ZFHX3: variants seen among roughly 807,000 people sequenced by gnomAD.
ZFHX3 encodes the protein zinc finger homeobox protein 3.
A neutral mutation model predicts 279.1 loss-of-function variants in ZFHX3; 42 were observed. The ratio of observed to expected loss-of-function variants is 0.15; its 90% CI spans 0.12 to 0.19. The LOEUF (loss-of-function observed/expected upper bound fraction) is 0.19, where lower values mean the gene tolerates loss of function less well. Among genes scored for constraint, ZFHX3 ranks in the 10% least tolerant of loss-of-function variants. The pLI, the probability that ZFHX3 is intolerant of heterozygous loss-of-function variation, is 1.00. For synonymous variants in ZFHX3, 2,293 were observed against 1,957.8 expected, an observed-to-expected ratio of 1.17 and a Z score of -4.52; for missense variants, 4,981 against 4,754.0, an observed-to-expected ratio of 1.05 and a Z score of -1.40.
At chr16:73,125,427 G>A (rs1966553286) in intron 7 of ZFHX3, 1 of 152,022 alleles carries the variant, frequency 6.6e-6, no homozygotes, top group African/African-American at 2.4e-5. Flanking sequence ...CAATTTGATT[G>A]GATTGAAGGA....
At chr16:73,817,579 G>T (rs148409082) in intron 1 of ZFHX3, among the ~76,000 whole-genome samples, 2 of 152,144 alleles carry the variant, frequency 1.3e-5, no homozygotes, top group South Asian at 2.1e-4. Flanking sequence ...TTACCTGCTC[G>T]GTCTGCAAAG....
intron 2 of ZFHX3, among the ~76,000 whole-genome samples, chr16:73,480,990 G>A (rs754906760): frequency 2.3e-4 from 35 of 152,096 alleles, no homozygotes; most frequent in Admixed American, 1.5e-3. Context: ...ACTCGGTCTC[G>A]GCAACTCTTC....
At chr16:73,824,485 T>C (rs546376033) in intron 1 of ZFHX3, among the ~76,000 whole-genome samples, 75 of 130,040 alleles carry the variant, frequency 5.8e-4, no homozygotes, top group Middle Eastern at 3.6e-3. Flanking sequence ...TGTGCCATGC[T>C]GGTGCGCTGC....
At chr16:73,189,481 A>T (rs1449046107) in intron 5 of ZFHX3, among the ~76,000 whole-genome samples, 2 of 152,212 alleles carry the variant, frequency 1.3e-5, no homozygotes, top group Non-Finnish European at 2.9e-5. Flanking sequence ...GATCTAGAAG[A>T]CTTAATAGGT....
At chr16:72,983,873 G>T (rs1962731354) in intron 1 of ZFHX3, among the ~76,000 whole-genome samples, 1 of 152,188 alleles carries the variant, frequency 6.6e-6, no homozygotes, top group African/African-American at 2.4e-5. Context: ...GTAAGGCCCT[G>T]CTCAGTAAGC....
chr16:73,024,810 C>T (rs897187283), intron 1 of ZFHX3, among the ~76,000 whole-genome samples: 7 of 152,288 alleles, frequency 4.6e-5, no homozygotes, highest in African/African-American at 1.7e-4. Context: ...GACTCCACTC[C>T]ACGAAGAATT....
chr16:73,882,474 A>G (rs943815399), intron 1 of ZFHX3, among the ~76,000 whole-genome samples: 5 of 151,554 alleles, frequency 3.3e-5, no homozygotes, highest in African/African-American at 1.2e-4. Context: ...TTTTTTTCCC[A>G]TCTCTAAAAA....
intron 2 of ZFHX3, chr16:73,499,383 G>C (rs762367957): frequency 6.6e-6 from 1 of 152,244 alleles, no homozygotes; most frequent in Non-Finnish European, 1.5e-5. Flanking sequence ...ACAAGCTGCC[G>C]CTCTGCATTT....
At chr16:73,562,920 C>T (rs1483291345) in intron 2 of ZFHX3, among the ~76,000 whole-genome samples, 1 of 152,154 alleles carries the variant, frequency 6.6e-6, no homozygotes, top group Non-Finnish European at 1.5e-5. Context: ...GCTACTGCGC[C>T]ATTACAGGAA....
At chr16:73,734,204 T>C (rs1237298411) in intron 1 of ZFHX3, among the ~76,000 whole-genome samples, 5 of 152,180 alleles carry the variant, frequency 3.3e-5, no homozygotes, top group Non-Finnish European at 7.4e-5. Flanking sequence ...CTTCCTGCTG[T>C]GCAGCCCGGT....
chr16:73,842,259 T>G (rs1051226636), intron 1 of ZFHX3, among the ~76,000 whole-genome samples: 3 of 151,790 alleles, frequency 2.0e-5, no homozygotes, highest in Admixed American at 2.0e-4. Flanking sequence ...AAACAATGAT[T>G]GCAAGCCACC....
At chr16:72,942,976 T>TC (rs1341504284) in intron 3 of ZFHX3, among the ~76,000 whole-genome samples, 1 of 152,222 alleles carries the variant, frequency 6.6e-6, no homozygotes, top group Non-Finnish European at 1.5e-5. Flanking sequence ...GCCAGGCCTT[T>TC]CCATCCCTTC....
At chr16:73,541,486 AAAAAATAAAAAT>A (rs559539598) in intron 2 of ZFHX3, among the ~76,000 whole-genome samples, 6 of 152,118 alleles carry the variant, frequency 3.9e-5, no homozygotes, top group Admixed American at 6.5e-5. Context: ...ACTGGTCTCA[AAAAAATAAAAAT>A]AAAAATAAAA....
At chr16:73,039,256 C>G (rs954115030) in intron 1 of ZFHX3, among the ~76,000 whole-genome samples, 1 of 152,158 alleles carries the variant, frequency 6.6e-6, no homozygotes, top group Non-Finnish European at 1.5e-5. Context: ...CCACACCCAG[C>G]CCAGATTCTT....
chr16:73,633,037 C>T (rs938536364), intron 2 of ZFHX3, among the ~76,000 whole-genome samples: 1 of 152,166 alleles, frequency 6.6e-6, no homozygotes, highest in Non-Finnish European at 1.5e-5. Flanking sequence ...TGGGATCGCA[C>T]CACTGCACTC....
chr16:73,819,374 A>G (rs928536840), intron 1 of ZFHX3, among the ~76,000 whole-genome samples: 1 of 151,142 alleles, frequency 6.6e-6, no homozygotes, highest in Admixed American at 6.6e-5. Context: ...TGTGAGAGTC[A>G]AAAGTTACAG....
At chr16:73,044,950 T>C (rs1965239559) in intron 1 of ZFHX3, among the ~76,000 whole-genome samples, 1 of 152,102 alleles carries the variant, frequency 6.6e-6, no homozygotes, top group Admixed American at 6.5e-5. Context: ...GACAGCTCAC[T>C]TTCTTCCCCT....
chr16:72,881,785 G>C (rs754157474), intron 4 of ZFHX3, among the ~76,000 whole-genome samples: 4 of 152,004 alleles, frequency 2.6e-5, no homozygotes, highest in Admixed American at 6.5e-5. Context: ...CTCCCCTCCA[G>C]TGAAATCCAG....
chr16:73,213,723 T>C (rs1225939434), intron 5 of ZFHX3, among the ~76,000 whole-genome samples: 1 of 152,184 alleles, frequency 6.6e-6, no homozygotes, highest in Non-Finnish European at 1.5e-5. Flanking sequence ...CTGTCTTTAA[T>C]TTTAGTTGCT....
Sources: allele counts gnomAD v4.1 joint callset (sites outside exome capture counted in the v4.1 genomes callset), GRCh38; gene constraint gnomAD v4.1.1; transcripts MANE v1.5; gene names NCBI Gene and HGNC (gene_info 2026-07-23, HGNC 2026-07-21).